GALNT6: variants seen among roughly 807,000 people sequenced by gnomAD.
GALNT6 encodes the protein GalNAc transferase 6.
Under a neutral mutation model 65.9 loss-of-function variants are expected in GALNT6, and 51 were observed. The ratio of observed to expected loss-of-function variants is 0.77; its 90% CI spans 0.62 to 0.98. The LOEUF (loss-of-function observed/expected upper bound fraction) is 0.98. Ranked by LOEUF, GALNT6 falls within the 50% of genes least tolerant of loss-of-function variation. The pLI, the probability that GALNT6 is intolerant of heterozygous loss-of-function variation, is 0.00. For synonymous variants in GALNT6, 323 were observed against 315.1 expected (o/e 1.02, Z -0.26); for missense variants, 708 against 803.3 (o/e 0.88, Z 1.43).
intron 9 of GALNT6, 43 bp from the exon 10 acceptor site, chr12:51,357,493 C>T: frequency 7.0e-7 from 1 of 1,435,904 alleles, no homozygotes; most frequent in Non-Finnish European, 9.8e-7. Context: ...ATGGCACAGT[C>T]AGGAGGTTCC....
At chr12:51,383,483 C>T (rs1340050210) in intron 2 of GALNT6, 1 of 152,260 alleles carries the variant, frequency 6.6e-6, no homozygotes, top group African/African-American at 2.4e-5. Flanking sequence ...GGCCTCCTGA[C>T]TGATTCACTC....
intron 4 of GALNT6, among the ~76,000 whole-genome samples, chr12:51,369,700 A>G (rs1459702861): frequency 6.6e-6 from 1 of 152,110 alleles, no homozygotes; most frequent in East Asian, 1.9e-4. Flanking sequence ...TTCCCCTGCA[A>G]ATCTGCCCCC....
intron 4 of GALNT6, among the ~76,000 whole-genome samples, chr12:51,373,979 C>T (rs944740758): frequency 1.3e-5 from 2 of 152,196 alleles, no homozygotes; most frequent in African/African-American, 4.8e-5. Flanking sequence ...TCCACCTCAG[C>T]CCTCCAAGTA....
At chr12:51,380,388 G>A (rs187793438) in intron 2 of GALNT6, among the ~76,000 whole-genome samples, 11 of 152,270 alleles carry the variant, frequency 7.2e-5, no homozygotes, top group Admixed American at 3.9e-4. Context: ...TACCCATACC[G>A]TGCAGTGCTC....
At chr12:51,382,383 T>C (rs1398973423) in intron 2 of GALNT6, 1 of 152,288 alleles carries the variant, frequency 6.6e-6, no homozygotes, top group Non-Finnish European at 1.5e-5. Context: ...ACTCAGCAAA[T>C]GGGGGAGGGC....
At chr12:51,368,788 C>T (rs1947194596) in intron 4 of GALNT6, among the ~76,000 whole-genome samples, 1 of 152,160 alleles carries the variant, frequency 6.6e-6, no homozygotes, top group Non-Finnish European at 1.5e-5. Flanking sequence ...ATTCTTCAGG[C>T]AGTCATCTGA....
chr12:51,383,536 C>T (rs1398905012), intron 2 of GALNT6: 1 of 152,214 alleles, frequency 6.6e-6, no homozygotes, highest in Non-Finnish European at 1.5e-5. Context: ...CTGGCACTGC[C>T]TCGTGGTCCC....
At chr12:51,354,815 C>T (rs918278071) in intron 11 of GALNT6, among the ~76,000 whole-genome samples, 3 of 152,186 alleles carry the variant, frequency 2.0e-5, no homozygotes, top group African/African-American at 7.2e-5. Context: ...ACTGCTCCAC[C>T]TCCAATTTTC....
At position 51,379,375 on chromosome 12, in the gene GALNT6, C is replaced by T. The variant is rs767406837; in HGVS notation, c.407G>A (p.Gly136Asp). ...GGCATTGAAACAGTGCTTCTTATAG[C>T]CTTCTTCCTTTTCCTGGGTCTCCAG... ...TPLETQEKEE[G>D]YKKHCFNAFA... The change falls in exon 3 of 12, where the codon GGC (glycine) becomes GAC (aspartate). Residue 136 changes from glycine to aspartate, a missense_variant. Gly to Asp is a moderately conservative substitution (Grantham distance 94). Transcript: ENST00000356317. 1.3e-6 allele frequency: 2 copies of T among 1,582,312 alleles called. No individual in the cohort carries two copies. The highest frequency in any genetic ancestry group is 2.3e-5 in the South Asian group (2 of 86,020).
chr12:51,357,285 T>C (rs1946775861), intron 10 of GALNT6, 64 bp downstream of exon 10: 2 of 1,073,100 alleles, frequency 1.9e-6, no homozygotes, highest in Non-Finnish European at 2.9e-6. Flanking sequence ...GAAAGGACTC[T>C]TTAGGGTAGA....
In GALNT6 at chr12:51,364,331, T is replaced by C. The variant is rs1374245911; in HGVS notation, c.839A>G (p.Glu280Gly). The change falls in exon 6 of 12, where the codon GAG becomes GGG. Residue 280 changes from glutamate (E) to glycine (G), a missense_variant. Physicochemically the swap from Glu to Gly is moderately conservative, Grantham distance 98. Coordinates refer to ENST00000356317, the MANE Select transcript of GALNT6 (RefSeq NM_007210.4). Reference sequence around the variant, plus strand: ...CTCAGCGATTCGAGCCAGGAGGGGCTCCAGCCAGCCGTGGAAGCACTCACC... The same window carrying C: ...CTCAGCGATTCGAGCCAGGAGGGGCCCCAGCCAGCCGTGGAAGCACTCACC... ...AHCECFHGWLEPLLARIAEDK... is the reference protein window; with the variant it reads ...AHCECFHGWLGPLLARIAEDK... The C allele has an allele frequency of 6.2e-7, 1 of 1,614,026 alleles. No individual in the cohort carries two copies. Among genetic ancestry groups the C allele is most frequent in the Non-Finnish European group, 8.5e-7 (1 of 1,179,926 alleles).
intron 8 of GALNT6, among the ~76,000 whole-genome samples, chr12:51,358,661 C>T (rs1348651387): frequency 1.3e-5 from 2 of 152,140 alleles, no homozygotes; most frequent in African/African-American, 4.8e-5. Flanking sequence ...CATGGAGCGC[C>T]TGGGGCTACT....
At chr12:51,373,208 G>A (rs1947343846) in intron 4 of GALNT6, among the ~76,000 whole-genome samples, 2 of 152,186 alleles carry the variant, frequency 1.3e-5, no homozygotes, top group Admixed American at 6.5e-5. Flanking sequence ...GTGAGGACAT[G>A]AGATTTGGGA....
At chr12:51,368,267 G>A (rs544553146) in intron 4 of GALNT6, among the ~76,000 whole-genome samples, 5 of 152,164 alleles carry the variant, frequency 3.3e-5, no homozygotes, top group Admixed American at 3.3e-4. Context: ...GTGAGATCCC[G>A]GGAGGGAAAG....
In GALNT6 at chr12:51,359,168, A is replaced by G. The variant is rs775239413; in HGVS notation, c.1332T>C (p.Tyr444=). 1.1e-5 allele frequency: 17 copies of G among 1,613,990 alleles called. No homozygotes were observed. Among genetic ancestry groups the G allele is most frequent in the Middle Eastern group, 1.6e-4 (1 of 6,084 alleles). ...TCTTTGCTGCCTGCAGATTTCTCCTATAGAAAATCTTCTTGTAGCTGTCCA... is the reference window on the plus strand; with the variant it reads ...TCTTTGCTGCCTGCAGATTTCTCCTGTAGAAAATCTTCTTGTAGCTGTCCA... ...VWMDSYKKIF[Y]RRNLQAAKMA... The change falls in exon 8 of 12, where the codon TAT becomes TAC. Residue 444 remains tyrosine (Y), a synonymous_variant. Coordinates refer to ENST00000356317, the MANE Select transcript of GALNT6 (RefSeq NM_007210.4).
chr12:51,365,190 C>G (rs1947057966), intron 5 of GALNT6, among the ~76,000 whole-genome samples: 1 of 152,136 alleles, frequency 6.6e-6, no homozygotes, highest in Admixed American at 6.5e-5. Flanking sequence ...CCCCGGTGAT[C>G]ACTGGAAATC....
chr12:51,376,322 G>T (rs1374869746), intron 4 of GALNT6, among the ~76,000 whole-genome samples: 3 of 152,106 alleles, frequency 2.0e-5, no homozygotes, highest in Non-Finnish European at 4.4e-5. Context: ...CACTGCCACA[G>T]CACTGTGGCT....
chr12:51,372,800 T>C (rs764056167), intron 4 of GALNT6, among the ~76,000 whole-genome samples: 125 of 152,132 alleles, frequency 8.2e-4, no homozygotes, highest in Non-Finnish European at 1.5e-3. Context: ...AGTCACAAAG[T>C]TTAGGGTGAA....
rs1229239879 is a variant in GALNT6 at position 51,355,805 on chromosome 12, C to T, written c.1755+1G>A. ...TCTGAGCTTTCTGGACACTGACTCACCTGGGCCAATTCCCATTCCTCGTCC... is the reference window on the plus strand; with the variant it reads ...TCTGAGCTTTCTGGACACTGACTCATCTGGGCCAATTCCCATTCCTCGTCC... On this transcript the variant is annotated splice_donor_variant, in intron 11 of 11. Transcript: ENST00000356317. LOFTEE classifies it high-confidence loss of function. 3.1e-6 allele frequency: 5 copies of T among 1,612,538 alleles called. No homozygotes were observed. The highest frequency in any genetic ancestry group is 4.2e-6 in the Non-Finnish European group (5 of 1,179,400).
Sources: gnomAD v4.1 joint callset for allele counts (sites outside exome capture counted in the v4.1 genomes callset) on GRCh38, gnomAD v4.1.1 for gene constraint, MANE v1.5 for transcripts, NCBI Gene and HGNC (gene_info 2026-07-23, HGNC 2026-07-21) for gene names.